Variants in DOCK2 observed in about 807,000 individuals in gnomAD.
The protein encoded by DOCK2 is dedicator of cytokinesis protein 2.
In DOCK2, 87 loss-of-function variants were observed where a neutral mutation model predicts 248.9. The observed-to-expected ratio is 0.35, with a 90% CI of 0.29 to 0.42. DOCK2 has a LOEUF of 0.42. Ranked by LOEUF, DOCK2 falls within the 10% of genes least tolerant of loss-of-function variation. DOCK2 has a pLI of 1.00. For missense variants in DOCK2, 1,747 were observed against 2,300.2 expected (o/e 0.76, Z 4.92); for synonymous variants, 805 against 821.6 (o/e 0.98, Z 0.35).
chr5:169,640,627 C>A (rs958938098), intron 1 of DOCK2, among the ~76,000 whole-genome samples: 2 of 152,106 alleles, frequency 1.3e-5, no homozygotes, highest in African/African-American at 4.8e-5. Flanking sequence ...CCAAGGGCAG[C>A]AAACTGTGGG....
Position 169,764,481 on chromosome 5 carries a change from CT to C in DOCK2, c.2554+2857del, listed in dbSNP as rs1764654464. On this transcript the variant is annotated intron_variant, in intron 25 of 51. Transcript: ENST00000520908. This position sits in a 1 kb window ranked among gnomAD's most constrained non-coding sequence, Gnocchi z 4.3. ...TGTGACTATGGGTAATTTTCTAAAC[CT>C]CTCTGATTCTCAGTAAGCTCATCTG... 1.3e-5 allele frequency among the ~76,000 whole-genome samples: 2 copies of C among 152,162 alleles called. No homozygotes were observed. Among genetic ancestry groups the C allele is most frequent in the African/African-American group, 4.8e-5 (2 of 41,438 alleles).
chr5:169,862,423 A>G (rs989488142), intron 27 of DOCK2, among the ~76,000 whole-genome samples: 7 of 152,216 alleles, frequency 4.6e-5, no homozygotes, highest in East Asian at 1.9e-4. Flanking sequence ...AGAGGTCCCA[A>G]ATGATTTCAC....
intron 33 of DOCK2, among the ~76,000 whole-genome samples, chr5:170,025,303 C>T (rs1755864227): frequency 6.6e-6 from 1 of 152,244 alleles, no homozygotes; most frequent in Non-Finnish European, 1.5e-5. Context: ...TTTTATTGGA[C>T]TACAGCCATG....
intron 41 of DOCK2, among the ~76,000 whole-genome samples, chr5:170,053,586 G>C (rs1757001083): frequency 6.6e-6 from 1 of 152,214 alleles, no homozygotes; most frequent in African/African-American, 2.4e-5. Context: ...CCCTGCCCTA[G>C]ACTTAATCCA....
chr5:169,874,029 G>A (rs1195650143), intron 27 of DOCK2, among the ~76,000 whole-genome samples: 1 of 152,158 alleles, frequency 6.6e-6, no homozygotes, highest in Admixed American at 6.5e-5. Flanking sequence ...ACAAAGGGAG[G>A]CTCTTGCAGA....
At chr5:169,963,420 C>T (rs1777171107) in intron 27 of DOCK2, among the ~76,000 whole-genome samples, 1 of 152,174 alleles carries the variant, frequency 6.6e-6, no homozygotes, top group Admixed American at 6.5e-5. Context: ...ACAAAAGTCC[C>T]TGGGGACCTA....
chr5:169,741,277 T>G lies in DOCK2; in HGVS notation c.2268-6119T>G, dbSNP rs1001470868. ...AAGGGATGAATTAGGAAGGGAACCG[T>G]CTCTTTCACGAATCCTTTGCATGCC... On this transcript the variant is annotated intron_variant, in intron 22 of 51. Transcript: ENST00000520908. 2.6e-5 allele frequency among the ~76,000 whole-genome samples: 4 copies of G among 152,298 alleles called. No individual in the cohort carries two copies. The East Asian group carries it at 5.8e-4, about 22-fold the overall frequency.
At chr5:170,043,398 C>T (rs1004120984) in intron 38 of DOCK2, among the ~76,000 whole-genome samples, 4 of 152,180 alleles carry the variant, frequency 2.6e-5, no homozygotes, top group Non-Finnish European at 4.4e-5. Flanking sequence ...CATCATTATC[C>T]TACTCCACCG....
At chr5:169,864,211 G>A in intron 27 of DOCK2, 1 of 1,414,386 alleles carries the variant, frequency 7.1e-7, no homozygotes, top group African/African-American at 1.4e-5. Flanking sequence ...CTTAAGTGCA[G>A]TGGATTTCCC....
intron 22 of DOCK2, among the ~76,000 whole-genome samples, chr5:169,726,031 AT>A (rs1762454576): frequency 6.6e-6 from 1 of 152,138 alleles, no homozygotes. Context: ...CAGTAATGGG[AT>A]CCCTGGGTCA....
intron 25 of DOCK2, among the ~76,000 whole-genome samples, chr5:169,791,203 C>T (rs1489182859): frequency 6.6e-6 from 1 of 152,182 alleles, no homozygotes; most frequent in Non-Finnish European, 1.5e-5. Flanking sequence ...CTGTAGGAGA[C>T]ATGACTTGAT....
At chr5:169,781,098 C>G (rs1001630636) in intron 25 of DOCK2, among the ~76,000 whole-genome samples, 2 of 152,110 alleles carry the variant, frequency 1.3e-5, no homozygotes, top group Admixed American at 6.5e-5. Context: ...CATTCCGTCA[C>G]GAGGTGCACT....
intron 17 of DOCK2, 111 bp downstream of exon 17, chr5:169,712,334 A>C: frequency 1.1e-6 from 1 of 884,684 alleles, no homozygotes; most frequent in East Asian, 2.5e-5. Flanking sequence ...CACACACCAG[A>C]GTTTACCAAC....
At chr5:169,815,640 C>T (rs1378196770) in intron 26 of DOCK2, among the ~76,000 whole-genome samples, 2 of 152,148 alleles carry the variant, frequency 1.3e-5, no homozygotes, top group Non-Finnish European at 2.9e-5. Context: ...TGAGTTTTTG[C>T]ATTAATTTTT....
chr5:169,700,184 A>G, intron 13 of DOCK2, 45 bp downstream of exon 13: 1 of 1,590,204 alleles, frequency 6.3e-7, no homozygotes, highest in Non-Finnish European at 8.6e-7. Flanking sequence ...CATAGGGGCC[A>G]ATTCAGCTTG....
At chr5:169,725,278 G>C (rs1472645675) in intron 22 of DOCK2, among the ~76,000 whole-genome samples, 2 of 152,192 alleles carry the variant, frequency 1.3e-5, no homozygotes, top group Non-Finnish European at 2.9e-5. Flanking sequence ...CTTGGCGTCA[G>C]ATCAGGATGA....
chr5:170,022,693 C>T (rs954656009), intron 33 of DOCK2, among the ~76,000 whole-genome samples: 4 of 151,994 alleles, frequency 2.6e-5, no homozygotes, highest in Non-Finnish European at 5.9e-5. Flanking sequence ...CTGGATTGAG[C>T]GGTCATCACA....
At chr5:169,958,798 C>T (rs781643154) in intron 27 of DOCK2, among the ~76,000 whole-genome samples, 1 of 152,108 alleles carries the variant, frequency 6.6e-6, no homozygotes, top group Non-Finnish European at 1.5e-5. Flanking sequence ...CAGTCACCCT[C>T]ATAATTGGTT....
At chr5:169,698,541 T>C (rs1030154612) in intron 11 of DOCK2, 92 bp downstream of exon 11, 11 of 1,403,120 alleles carry the variant, frequency 7.8e-6, no homozygotes, top group Non-Finnish European at 9.0e-6. Flanking sequence ...TTCCCTGAGT[T>C]AGTGATAGGC....
Sources: gnomAD v4.1 joint callset for allele counts (sites outside exome capture counted in the v4.1 genomes callset) on GRCh38, gnomAD v4.1.1 for gene constraint, Gnocchi (gnomAD v3.1) non-coding constraint, MANE v1.5 for transcripts, NCBI Gene and HGNC (gene_info 2026-07-23, HGNC 2026-07-21) for gene names.